TBCEL: variants seen among roughly 807,000 people sequenced by gnomAD.
TBCEL encodes the protein tubulin folding cofactor E like.
In TBCEL, 15 loss-of-function variants were observed where a neutral mutation model predicts 44.2. The observed-to-expected ratio is 0.34, with a 90% confidence interval of 0.23 to 0.52. The LOEUF is 0.52. TBCEL is among the 20% of genes least tolerant of loss of function. The pLI, the probability that TBCEL is intolerant of heterozygous loss-of-function variation, is 0.95. For synonymous variants in TBCEL, 171 were observed against 185.4 expected, an observed-to-expected ratio of 0.92 and a Z score of 0.63; for missense variants, 319 against 506.3, an observed-to-expected ratio of 0.63 and a Z score of 3.55.
intron 8 of TBCEL, among the ~76,000 whole-genome samples, chr11:121,085,109 G>A (rs1331881289): frequency 6.6e-6 from 1 of 151,854 alleles, no homozygotes; most frequent in East Asian, 1.9e-4. Flanking sequence ...CACAATCTCG[G>A]CTCACTGCAA....
chr11:121,025,014 C>G, intron 1 of TBCEL, among the ~76,000 whole-genome samples: 1 of 152,170 alleles, frequency 6.6e-6, no homozygotes, highest in East Asian at 1.9e-4. Context: ...GGAAGACATT[C>G]TGGGAATTGG....
chr11:121,090,166 A>C lies in TBCEL; in HGVS notation c.*3070A>C, dbSNP rs532912135. 2 of 152,204 alleles carry C rather than the reference A, an allele frequency of 1.3e-5. No individual in the cohort carries two copies. Among genetic ancestry groups the C allele is most frequent in the Non-Finnish European group, 2.9e-5 (2 of 68,022 alleles). 9.4% of individuals were successfully genotyped at this position (152,204 alleles called of 1,614,324 possible). A position where few individuals can be genotyped will look rare whatever the true frequency, so the allele number is the denominator to read the frequency against. On this transcript the variant is annotated 3_prime_UTR_variant, in exon 9 of 9. Coordinates refer to ENST00000683345, the MANE Select transcript of TBCEL (RefSeq NM_001363644.2). ...CAAAATATAACTTGAGCTAGGTATAACAGGGCTGAATGCTACAGTGTTGTT... is the reference window on the plus strand; with the variant it reads ...CAAAATATAACTTGAGCTAGGTATACCAGGGCTGAATGCTACAGTGTTGTT...
intron 1 of TBCEL, among the ~76,000 whole-genome samples, chr11:121,030,422 T>G (rs926993221): frequency 2.0e-5 from 3 of 152,178 alleles, no homozygotes; most frequent in Non-Finnish European, 2.9e-5. Flanking sequence ...ACTTGGCTGC[T>G]TTGTGGAGAA....
At chr11:121,072,930 T>G (rs1269333269) in intron 8 of TBCEL, among the ~76,000 whole-genome samples, 1 of 152,140 alleles carries the variant, frequency 6.6e-6, no homozygotes, top group Non-Finnish European at 1.5e-5. Context: ...ATCACTGATC[T>G]GCAATGCCAC....
At chr11:121,071,752 T>A (rs1018948616) in intron 8 of TBCEL, among the ~76,000 whole-genome samples, 3 of 152,206 alleles carry the variant, frequency 2.0e-5, no homozygotes, top group Non-Finnish European at 4.4e-5. Context: ...GAGCTGATTG[T>A]ATCTCCATGT....
At chr11:121,080,519 C>A (rs1202287796) in intron 8 of TBCEL, among the ~76,000 whole-genome samples, 1 of 152,152 alleles carries the variant, frequency 6.6e-6, no homozygotes, top group Non-Finnish European at 1.5e-5. Flanking sequence ...AATCTGAATG[C>A]CTTCGCCATT....
At chr11:121,062,897 G>A (rs1485864368) in intron 8 of TBCEL, among the ~76,000 whole-genome samples, 1 of 152,134 alleles carries the variant, frequency 6.6e-6, no homozygotes, top group African/African-American at 2.4e-5. Context: ...GACACTTGCA[G>A]CTGCATCATT....
At chr11:121,048,129 A>G (rs1945465915) in intron 4 of TBCEL, among the ~76,000 whole-genome samples, 2 of 151,908 alleles carry the variant, frequency 1.3e-5, no homozygotes, top group South Asian at 4.1e-4. Flanking sequence ...CTAACAGTGC[A>G]TTAAATTTTC....
chr11:121,024,442 C>CT (rs1460236658), intron 1 of TBCEL, among the ~76,000 whole-genome samples, 151 bp downstream of exon 1: 1 of 148,284 alleles, frequency 6.7e-6, no homozygotes, highest in Non-Finnish European at 1.5e-5. Flanking sequence ...TCTCGAGCAG[C>CT]TGTGGGGATG....
rs779117852 is a variant in TBCEL, at chr11:121,087,097, C to T, written c.*1C>T. The T allele has an allele frequency of 6.2e-7, 1 of 1,606,576 alleles. No homozygotes were observed. Among genetic ancestry groups the T allele is most frequent in the Non-Finnish European group, 8.5e-7 (1 of 1,177,284 alleles). ...TTACGTGGAATCCAAAACAAAATAA[C>T]CTCTACCAGCCTTGTGAAAAACATA... On this transcript the variant is annotated 3_prime_UTR_variant, in exon 9 of 9. Coordinates refer to ENST00000683345, the MANE Select transcript of TBCEL (RefSeq NM_001363644.2).
chr11:121,040,530 A>T (rs1355376051), intron 2 of TBCEL, among the ~76,000 whole-genome samples: 2 of 151,834 alleles, frequency 1.3e-5, no homozygotes, highest in Non-Finnish European at 2.9e-5. Flanking sequence ...TCAGGCTTGG[A>T]TATGCTTTGT....
chr11:121,062,438 G>A (rs1945741585), intron 8 of TBCEL, among the ~76,000 whole-genome samples: 1 of 152,110 alleles, frequency 6.6e-6, no homozygotes, highest in African/African-American at 2.4e-5. Context: ...CAGCAGTGTA[G>A]TAAGTTTGTT....
intron 2 of TBCEL, among the ~76,000 whole-genome samples, chr11:121,044,459 C>T (rs566898876): frequency 6.6e-6 from 1 of 152,204 alleles, no homozygotes; most frequent in East Asian, 1.9e-4. Flanking sequence ...ATATTTTGTG[C>T]TTACTCATAT....
intron 8 of TBCEL, among the ~76,000 whole-genome samples, chr11:121,066,260 T>G (rs961861059): frequency 2.0e-5 from 3 of 152,222 alleles, no homozygotes; most frequent in African/African-American, 7.2e-5. Flanking sequence ...CTGTTCTGTA[T>G]CTTGTGAATA....
intron 8 of TBCEL, 48 bp from the exon 9 acceptor site, chr11:121,086,730 A>T: frequency 7.1e-7 from 1 of 1,412,996 alleles, no homozygotes; most frequent in Non-Finnish European, 9.8e-7. Context: ...AGTCCACAGT[A>T]CATGTGCTAG....
intron 1 of TBCEL, among the ~76,000 whole-genome samples, chr11:121,026,459 G>T (rs1303115604): frequency 1.3e-5 from 2 of 152,156 alleles, no homozygotes; most frequent in African/African-American, 4.8e-5. Context: ...GGTACACAGG[G>T]TATGTATTTA....
At chr11:121,046,798 A>G (rs1394040674) in intron 3 of TBCEL, among the ~76,000 whole-genome samples, 4 of 152,088 alleles carry the variant, frequency 2.6e-5, no homozygotes, top group Non-Finnish European at 5.9e-5. Context: ...GTGTTTTTGA[A>G]CCAGGCAGTA....
intron 1 of TBCEL, among the ~76,000 whole-genome samples, chr11:121,028,244 G>T (rs1945081482): frequency 6.6e-6 from 1 of 151,860 alleles, no homozygotes; most frequent in Admixed American, 6.6e-5. Context: ...AAATAAAGCA[G>T]ATCCCTGAAT....
At chr11:121,044,553 C>T (rs1356553234) in intron 2 of TBCEL, among the ~76,000 whole-genome samples, 2 of 152,098 alleles carry the variant, frequency 1.3e-5, no homozygotes, top group African/African-American at 4.8e-5. Flanking sequence ...ATATCCTTCT[C>T]CCTACTGATT....
Sources: gnomAD v4.1 joint callset for allele counts (sites outside exome capture counted in the v4.1 genomes callset) on GRCh38, gnomAD v4.1.1 for gene constraint, MANE v1.5 for transcripts, NCBI Gene and HGNC (gene_info 2026-07-23, HGNC 2026-07-21) for gene names.